The following PRKCE variants were observed in gnomAD, a reference collection of about 807,000 sequenced individuals.
PRKCE encodes the protein protein kinase C epsilon.
In PRKCE, 16 loss-of-function variants were observed where a neutral mutation model predicts 85.4. That is an observed-to-expected ratio of 0.19 (90% CI 0.13 to 0.28). The LOEUF (loss-of-function observed/expected upper bound fraction) is 0.28. PRKCE is among the 10% of genes least tolerant of loss of function. PRKCE has a pLI of 1.00. For synonymous variants in PRKCE, 388 were observed against 371.5 expected (o/e 1.04, Z -0.51); for missense variants, 573 against 975.2 (o/e 0.59, Z 5.49).
chr2:46,072,442 C>T (rs555450642), intron 10 of PRKCE, among the ~76,000 whole-genome samples: 75 of 152,322 alleles, frequency 4.9e-4, no homozygotes, highest in Non-Finnish European at 9.8e-4. Context: ...AAATGGTTTA[C>T]TTGGTTCTGG....
intron 11 of PRKCE, among the ~76,000 whole-genome samples, chr2:46,111,281 G>C (rs1013873230): frequency 6.6e-6 from 1 of 152,042 alleles, no homozygotes; most frequent in East Asian, 1.9e-4. Context: ...TGAAATAGGG[G>C]GTTTGTCTGT....
At chr2:45,817,681 G>A (rs913230431) in intron 1 of PRKCE, among the ~76,000 whole-genome samples, 8 of 152,208 alleles carry the variant, frequency 5.3e-5, no homozygotes, top group South Asian at 4.1e-4. Flanking sequence ...GCAACAGAGC[G>A]AGACTCTGTC....
At chr2:46,180,371 G>C (rs963276998) in intron 14 of PRKCE, among the ~76,000 whole-genome samples, 3 of 152,164 alleles carry the variant, frequency 2.0e-5, no homozygotes, top group African/African-American at 7.2e-5. Flanking sequence ...ATGAGGCAAG[G>C]ACAAGCTCCT....
At chr2:45,676,187 A>G (rs1676439546) in intron 1 of PRKCE, 1 of 152,100 alleles carries the variant, frequency 6.6e-6, no homozygotes, top group South Asian at 2.1e-4. Context: ...ATCAGTGGTA[A>G]GTTTCCCAGT....
intron 11 of PRKCE, among the ~76,000 whole-genome samples, chr2:46,123,214 CTTTTT>C (rs70937991): frequency 4.4e-4 from 12 of 27,372 alleles, no homozygotes; most frequent in South Asian, 5.6e-3. Flanking sequence ...AAACACTTGC[CTTTTT>C]TTTTTTTTTT....
chr2:45,744,471 TTC>T (rs750415704), intron 1 of PRKCE, among the ~76,000 whole-genome samples: 4,005 of 57,678 alleles, frequency 0.069, 187 homozygotes, highest in South Asian at 0.13. Flanking sequence ...CTTTCTTTCT[TTC>T]TTTCTTTCTT....
chr2:45,673,954 C>A (rs1350881037), intron 1 of PRKCE, among the ~76,000 whole-genome samples: 1 of 152,204 alleles, frequency 6.6e-6, no homozygotes, highest in Non-Finnish European at 1.5e-5. Flanking sequence ...TGAATATTAT[C>A]CAAGTGCAAT....
chr2:46,008,058 T>C (rs1218666724), intron 9 of PRKCE, among the ~76,000 whole-genome samples: 1 of 152,240 alleles, frequency 6.6e-6, no homozygotes, highest in South Asian at 2.1e-4. Flanking sequence ...ATGAAGACTT[T>C]GAGAATGAAT....
chr2:45,990,125 G>C (rs745938126), intron 6 of PRKCE, among the ~76,000 whole-genome samples: 1 of 152,186 alleles, frequency 6.6e-6, no homozygotes, highest in Non-Finnish European at 1.5e-5. Context: ...GAGCTTAGCT[G>C]GGTGCATCTG....
rs985068894 is a variant in PRKCE, at chr2:45,905,198, C to G, written c.412+62135C>G. Among the ~76,000 whole-genome samples, 9 of 152,202 alleles carry G rather than the reference C, an allele frequency of 5.9e-5. No homozygotes were observed. Among genetic ancestry groups the G allele is most frequent in the African/African-American group, 1.2e-4 (5 of 41,436 alleles). ...GGGCAAACCCTGGCTCAAGAGCATC[C>G]TTGACTTATGGCCAAGCCTCAGGAA... On this transcript the variant is annotated intron_variant, in intron 2 of 14. Coordinates refer to ENST00000306156, the MANE Select transcript of PRKCE (RefSeq NM_005400.3). The surrounding 1 kb of genome is among the most constrained non-coding windows in gnomAD (Gnocchi z 4.4).
intron 7 of PRKCE, among the ~76,000 whole-genome samples, chr2:46,002,516 G>C (rs181069242): frequency 6.6e-6 from 1 of 152,294 alleles, no homozygotes; most frequent in Admixed American, 6.5e-5. Context: ...CTTCCATGTT[G>C]CTTCTCTTGT....
At chr2:45,769,643 A>G (rs149141182) in intron 1 of PRKCE, among the ~76,000 whole-genome samples, 52 of 152,234 alleles carry the variant, frequency 3.4e-4, no homozygotes, top group African/African-American at 1.2e-3. Flanking sequence ...CTATTTCATG[A>G]GTTTGTAAGT....
chr2:45,725,443 G>A (rs1680976776), intron 1 of PRKCE, among the ~76,000 whole-genome samples: 1 of 152,114 alleles, frequency 6.6e-6, no homozygotes, highest in Non-Finnish European at 1.5e-5. Flanking sequence ...AAGTCTTATT[G>A]TTTAAGAAAT....
intron 2 of PRKCE, among the ~76,000 whole-genome samples, chr2:45,891,252 A>C (rs998673906): frequency 2.6e-5 from 4 of 152,222 alleles, no homozygotes; most frequent in Non-Finnish European, 5.9e-5. Flanking sequence ...TTGCAGAAAG[A>C]GCGACCAGAA....
intron 1 of PRKCE, among the ~76,000 whole-genome samples, chr2:45,798,979 A>G (rs1687649195): frequency 6.6e-6 from 1 of 152,084 alleles, no homozygotes; most frequent in Non-Finnish European, 1.5e-5. Context: ...CATCCTGGCT[A>G]ACATGGTGAA....
chr2:45,678,532 C>A (rs547309485), intron 1 of PRKCE, among the ~76,000 whole-genome samples: 2 of 152,028 alleles, frequency 1.3e-5, no homozygotes, highest in Admixed American at 6.6e-5. Flanking sequence ...TGAACGTGCA[C>A]GCCTGATTTA....
chr2:46,082,866 G>A (rs1669227540), intron 10 of PRKCE, among the ~76,000 whole-genome samples: 1 of 152,240 alleles, frequency 6.6e-6, no homozygotes, highest in African/African-American at 2.4e-5. Flanking sequence ...AACAGTCATA[G>A]CCAATCTTCA....
At chr2:45,949,165 T>G (rs1700441573) in intron 2 of PRKCE, among the ~76,000 whole-genome samples, 1 of 152,232 alleles carries the variant, frequency 6.6e-6, no homozygotes, top group Non-Finnish European at 1.5e-5. Flanking sequence ...ATGCACATCC[T>G]CAGCTTAGCT....
intron 3 of PRKCE, among the ~76,000 whole-genome samples, chr2:45,977,680 A>ATCG (rs1702568327): frequency 6.6e-6 from 1 of 152,028 alleles, no homozygotes; most frequent in African/African-American, 2.4e-5. Context: ...GGGCTGAGAT[A>ATCG]AAGATGATCG....
Sources: allele counts gnomAD v4.1 joint callset (sites outside exome capture counted in the v4.1 genomes callset), GRCh38; gene constraint gnomAD v4.1.1; non-coding constraint Gnocchi (gnomAD v3.1); transcripts MANE v1.5; gene names NCBI Gene and HGNC (gene_info 2026-07-23, HGNC 2026-07-21).